Variants in HERC1 observed in about 807,000 individuals in gnomAD.
HERC1 encodes probable E3 ubiquitin-protein ligase HERC1.
HERC1 carries 160 observed loss-of-function variants against 554.3 expected under a neutral mutation model. That is an observed-to-expected ratio of 0.29 (90% CI 0.25 to 0.33). The LOEUF (loss-of-function observed/expected upper bound fraction) is 0.33. Among genes scored for constraint, HERC1 ranks in the 10% least tolerant of loss-of-function variants. The probability of loss-of-function intolerance (pLI) is 1.00; values close to 1 mark genes in which losing one functional copy is unlikely to be tolerated. For missense variants in HERC1, 4,919 were observed against 5,918.5 expected (o/e 0.83, Z 5.54); for synonymous variants, 2,175 against 2,131.7 (o/e 1.02, Z -0.56).
intron 51 of HERC1, 99 bp downstream of exon 51, chr15:63,654,020 C>T: frequency 1.1e-6 from 1 of 878,624 alleles, no homozygotes; most frequent in Non-Finnish European, 1.8e-6. Context: ...AAGAGAGTGA[C>T]ACAAAGAGAG....
intron 12 of HERC1, among the ~76,000 whole-genome samples, chr15:63,740,569 C>A (rs1341396026): frequency 6.6e-6 from 1 of 152,250 alleles, no homozygotes; most frequent in Non-Finnish European, 1.5e-5. Context: ...AATTTCTCCA[C>A]CTCCTCCAAT....
At chr15:63,681,798 A>G (rs1472654972) in intron 34 of HERC1, among the ~76,000 whole-genome samples, 1 of 152,088 alleles carries the variant, frequency 6.6e-6, no homozygotes, top group African/African-American at 2.4e-5. Flanking sequence ...CATCACACAC[A>G]TGTTATTTTT....
At chr15:63,665,492 G>T in intron 42 of HERC1, among the ~76,000 whole-genome samples, 1 of 151,982 alleles carries the variant, frequency 6.6e-6, no homozygotes, top group South Asian at 2.1e-4. Flanking sequence ...CCGATATCGC[G>T]CCACTGCACT....
chr15:63,822,859 T>C (rs753509534), intron 1 of HERC1, among the ~76,000 whole-genome samples: 12 of 152,132 alleles, frequency 7.9e-5, no homozygotes, highest in East Asian at 5.8e-4. Context: ...GATTTGCTAA[T>C]AGACTGGTTA....
chr15:63,618,547 T>C (rs1013391278), intron 74 of HERC1, among the ~76,000 whole-genome samples: 2 of 151,944 alleles, frequency 1.3e-5, no homozygotes, highest in Admixed American at 6.6e-5. Context: ...AAGAAAGTCA[T>C]TGGTAGCTTG....
rs758281746 is a variant in HERC1 at position 63,638,519 on chromosome 15, A to G, written c.11985T>C (p.Gly3995=). 1 of 1,613,714 alleles carries G rather than the reference A, an allele frequency of 6.2e-7. No homozygotes were observed. Residue 3995 remains glycine, a synonymous_variant, in exon 63 of 78, where the codon GGT becomes GGC. Coordinates refer to ENST00000443617, the MANE Select transcript of HERC1 (RefSeq NM_003922.4). ...CACCCCATAAGTAGACATCACATTT[A>G]CCTCCCAGGTGCCAGTCCTAGAAAA... ...TSRPEDWHLG[G]KCDVYLWGAG...
At chr15:63,754,726 A>C in intron 6 of HERC1, 78 bp from the exon 7 acceptor site, 1 of 1,340,968 alleles carries the variant, frequency 7.5e-7, no homozygotes, top group Non-Finnish European at 1.0e-6. Flanking sequence ...AAGTATAATA[A>C]ATGTTACAAC....
rs188900219 is a variant in HERC1 at position 63,640,407 on chromosome 15, G to A, written c.11646C>T (p.Pro3882=). 12 of 1,613,824 alleles carry A rather than the reference G, an allele frequency of 7.4e-6. No homozygotes were observed. Among genetic ancestry groups the A allele is most frequent in the East Asian group, 2.2e-5 (1 of 44,890 alleles). ...VVCGDQLVHS[P]YMQCLASLAV... is the part of the protein sequence containing the mutation. ...CAAGGGAAGCCAAGCATTGCATATAGGGGCTATGAACAAGTTGGTCACCAC... is the reference window on the plus strand; with the variant it reads ...CAAGGGAAGCCAAGCATTGCATATAAGGGCTATGAACAAGTTGGTCACCAC... Residue 3882 remains proline (P), a synonymous_variant, in exon 61 of 78, where the codon CCC becomes CCT. Coordinates refer to ENST00000443617, the MANE Select transcript of HERC1 (RefSeq NM_003922.4).
chr15:63,636,172 C>A, intron 64 of HERC1, 30 bp from the exon 65 acceptor site: 3 of 1,596,666 alleles, frequency 1.9e-6, no homozygotes, highest in South Asian at 2.2e-5. Flanking sequence ...CAACAGGAGT[C>A]ACTGGATGTT....
At chr15:63,659,491 G>C (rs752837164) in intron 47 of HERC1, among the ~76,000 whole-genome samples, 1 of 152,026 alleles carries the variant, frequency 6.6e-6, no homozygotes, top group East Asian at 1.9e-4. Context: ...GGCCTCAAGC[G>C]ACCTTCTTTC....
chr15:63,641,241 C>G (rs1220230879), intron 60 of HERC1, among the ~76,000 whole-genome samples: 1 of 152,158 alleles, frequency 6.6e-6, no homozygotes, highest in Non-Finnish European at 1.5e-5. Context: ...AGCAGTAATA[C>G]AAACTTGGTG....
At chr15:63,668,112 AAGTT>A (rs747221185) in intron 40 of HERC1, among the ~76,000 whole-genome samples, 3 of 152,362 alleles carry the variant, frequency 2.0e-5, no homozygotes, top group African/African-American at 7.2e-5. Flanking sequence ...AATTCAAAGA[AAGTT>A]AATTAATTCA....
At chr15:63,738,037 G>A (rs757943927) in intron 12 of HERC1, among the ~76,000 whole-genome samples, 1 of 152,100 alleles carries the variant, frequency 6.6e-6, no homozygotes, top group Non-Finnish European at 1.5e-5. Flanking sequence ...GATGGATGAA[G>A]AAACCCAGCA....
At position 63,749,937 on chromosome 15, in the gene HERC1, T is replaced by C. The variant is rs1251144537; in HGVS notation, c.1903-146A>G. 1.1e-5 allele frequency: 8 copies of C among 714,986 alleles called. No homozygotes were observed. The highest frequency in any genetic ancestry group is 1.7e-5 in the Non-Finnish European group (8 of 464,724). The allele number at this position is 714,986 out of a possible 1,614,324, so 44.3% of individuals were successfully genotyped here. ...AAAATCATTTTGATCATTTTAAAGATTGTTACAGCGATTTATCATGCTGCC... is the reference window on the plus strand; with the variant it reads ...AAAATCATTTTGATCATTTTAAAGACTGTTACAGCGATTTATCATGCTGCC... On this transcript the variant is annotated intron_variant, in intron 8 of 77. Coordinates refer to ENST00000443617, the MANE Select transcript of HERC1 (RefSeq NM_003922.4). The surrounding 1 kb of genome is among the most constrained non-coding windows in gnomAD (Gnocchi z 4.1).
chr15:63,730,026 C>CAAAAAA (rs57121923), intron 14 of HERC1, among the ~76,000 whole-genome samples: 1 of 71,482 alleles, frequency 1.4e-5, no homozygotes, highest in Non-Finnish European at 2.7e-5. Context: ...AACTATGTCT[C>CAAAAAA]AAAAAAAAAA....
At chr15:63,743,263 CTTTTTTT>C (rs71131177) in intron 12 of HERC1, among the ~76,000 whole-genome samples, 2 of 109,188 alleles carry the variant, frequency 1.8e-5, no homozygotes, top group South Asian at 3.0e-4. Flanking sequence ...TTTTCTTTTT[CTTTTTTT>C]TTTTTTTTTT....
At chr15:63,768,009 C>T (rs1407742015) in intron 2 of HERC1, among the ~76,000 whole-genome samples, 3 of 151,568 alleles carry the variant, frequency 2.0e-5, no homozygotes, top group South Asian at 2.1e-4. Flanking sequence ...ATCGCCCCAC[C>T]CCATTAATAA....
At chr15:63,712,036 T>C (rs1379617748) in intron 24 of HERC1, among the ~76,000 whole-genome samples, 1 of 152,238 alleles carries the variant, frequency 6.6e-6, no homozygotes, top group Non-Finnish European at 1.5e-5. Flanking sequence ...ACCTCCTTTT[T>C]ATATAAATTA....
intron 1 of HERC1, among the ~76,000 whole-genome samples, chr15:63,816,858 G>T (rs1298541978): frequency 6.6e-6 from 1 of 152,100 alleles, no homozygotes; most frequent in Non-Finnish European, 1.5e-5. Flanking sequence ...AATCACTGAT[G>T]AATTAAGAAG....
Sources: allele counts gnomAD v4.1 joint callset (sites outside exome capture counted in the v4.1 genomes callset), GRCh38; gene constraint gnomAD v4.1.1; non-coding constraint Gnocchi (gnomAD v3.1); transcripts MANE v1.5; gene names NCBI Gene and HGNC (gene_info 2026-07-23, HGNC 2026-07-21).